TMEM51: variants seen among roughly 807,000 people sequenced by gnomAD.
TMEM51 encodes the protein chromosome 1 open reading frame 72.
A neutral mutation model predicts 13.6 loss-of-function variants in TMEM51; 8 were observed. The ratio of observed to expected loss-of-function variants is 0.59; its 90% CI spans 0.35 to 1.07. The LOEUF (loss-of-function observed/expected upper bound fraction) is 1.07. Among genes scored for constraint, TMEM51 ranks in the 50% least tolerant of loss-of-function variants. TMEM51 has a pLI of 0.02. For missense variants in TMEM51, 279 were observed against 330.7 expected (o/e 0.84, Z 1.21); for synonymous variants, 147 against 144.4 (o/e 1.02, Z -0.13).
At chr1:15,201,597 C>T (rs933842128) in intron 1 of TMEM51, among the ~76,000 whole-genome samples, 1 of 151,990 alleles carries the variant, frequency 6.6e-6, no homozygotes, top group Admixed American at 6.5e-5. Flanking sequence ...TCCTAAAAAT[C>T]GAAGACAGGA....
intron 1 of TMEM51, among the ~76,000 whole-genome samples, chr1:15,159,754 A>T (rs148872182): frequency 0.029 from 4,336 of 152,010 alleles, 196 homozygotes; most frequent in African/African-American, 0.1. Flanking sequence ...ATGGGATTTC[A>T]CCATGTTGGC....
chr1:15,212,386 G>A (rs945592621), intron 2 of TMEM51, among the ~76,000 whole-genome samples: 1 of 152,178 alleles, frequency 6.6e-6, no homozygotes, highest in Admixed American at 6.5e-5. Context: ...TTTCTCTCGT[G>A]CAGCATAAGG....
chr1:15,181,539 ATCTT>A (rs1179298181), intron 1 of TMEM51, among the ~76,000 whole-genome samples: 1 of 152,182 alleles, frequency 6.6e-6, no homozygotes, highest in Admixed American at 6.5e-5. Context: ...GTTCCTAACC[ATCTT>A]TCTTTACTCC....
chr1:15,163,953 C>T (rs1008492303), intron 1 of TMEM51, among the ~76,000 whole-genome samples: 20 of 151,630 alleles, frequency 1.3e-4, no homozygotes, highest in Non-Finnish European at 2.9e-4. Context: ...CTCAGCCTCC[C>T]GAGTAGCTGG....
chr1:15,197,971 A>G (rs1042707940), intron 1 of TMEM51, among the ~76,000 whole-genome samples: 1 of 151,336 alleles, frequency 6.6e-6, no homozygotes, highest in African/African-American at 2.5e-5. Flanking sequence ...AAAAAAAAAA[A>G]AGCAGATTCA....
chr1:15,157,863 C>T (rs1642641262), intron 1 of TMEM51, among the ~76,000 whole-genome samples: 1 of 152,212 alleles, frequency 6.6e-6, no homozygotes, highest in South Asian at 2.1e-4. Flanking sequence ...TAAAAACGAG[C>T]AGATGACATC....
intron 1 of TMEM51, chr1:15,192,187 T>A (rs1383196782): frequency 2.5e-6 from 1 of 396,210 alleles, no homozygotes; most frequent in East Asian, 6.0e-5. Context: ...TGCAAAGATT[T>A]CTTCATTTTC....
At chr1:15,218,904 G>T (rs185437699) in intron 3 of TMEM51, among the ~76,000 whole-genome samples, 1 of 152,252 alleles carries the variant, frequency 6.6e-6, no homozygotes, top group Admixed American at 6.5e-5. Flanking sequence ...ATTTCCAAGA[G>T]CCCCTATGTG....
chr1:15,219,881 G>A lies in TMEM51; in HGVS notation c.*138G>A. 1.0e-6 allele frequency: 1 copy of A among 963,836 alleles called. No individual in the cohort carries two copies. The highest frequency in any genetic ancestry group is 1.5e-6 in the Non-Finnish European group (1 of 665,876). The allele number at this position is 963,836 out of a possible 1,614,324, so 59.7% of individuals were successfully genotyped here. ...GCCATTTGGATGGCGGCGGGCGGGG[G>A]GGGATTCTCTGTATCAGGAGTGACT... On this transcript the variant is annotated 3_prime_UTR_variant, in exon 4 of 4. Transcript: ENST00000376008.
chr1:15,164,858 A>G (rs917131729), intron 1 of TMEM51, among the ~76,000 whole-genome samples: 1 of 135,436 alleles, frequency 7.4e-6, no homozygotes, highest in Non-Finnish European at 1.5e-5. Context: ...GCCAGAGTGC[A>G]GTGGCACAAT....
At chr1:15,154,298 C>T (rs1642511246) in intron 1 of TMEM51, among the ~76,000 whole-genome samples, 1 of 152,226 alleles carries the variant, frequency 6.6e-6, no homozygotes, top group African/African-American at 2.4e-5. Context: ...GCGCTTTCAG[C>T]GCGTGGTTAG....
At chr1:15,171,957 C>T (rs964226200) in intron 1 of TMEM51, among the ~76,000 whole-genome samples, 1 of 152,160 alleles carries the variant, frequency 6.6e-6, no homozygotes, top group African/African-American at 2.4e-5. Flanking sequence ...AAGCAGATTT[C>T]CAGGCCCCAG....
chr1:15,200,472 G>A (rs1167707470), intron 1 of TMEM51, among the ~76,000 whole-genome samples: 15 of 145,968 alleles, frequency 1.0e-4, no homozygotes, highest in Non-Finnish European at 4.5e-5. Flanking sequence ...AGGGACAACC[G>A]CGTGAGGACA....
chr1:15,158,554 T>C (rs1339528145), intron 1 of TMEM51, among the ~76,000 whole-genome samples: 2 of 152,190 alleles, frequency 1.3e-5, no homozygotes, highest in Admixed American at 6.5e-5. Context: ...GTTGCAGGTC[T>C]CTAGAAAAAT....
rs962057904 is a variant in TMEM51, at chr1:15,220,158, G to A, written c.*415G>A. 4 of 196,002 alleles carry A rather than the reference G, an allele frequency of 2.0e-5. No individual in the cohort carries two copies. Among genetic ancestry groups the A allele is most frequent in the African/African-American group, 9.3e-5 (4 of 42,968 alleles). The allele number at this position is 196,002 out of a possible 1,614,324, so 12.1% of individuals were successfully genotyped here. ...AAAGGAAACAAGTTTTGTGTTTGCT[G>A]TCTACGCTGGAGTCCTGAACTGTGG... On this transcript the variant is annotated 3_prime_UTR_variant, in exon 4 of 4. Transcript: ENST00000376008.
chr1:15,196,392 GCA>G (rs1403005608), intron 1 of TMEM51, among the ~76,000 whole-genome samples: 104 of 43,564 alleles, frequency 2.4e-3, no homozygotes, highest in Middle Eastern at 0.011. Context: ...GTGTGTGTGT[GCA>G]TGTGTGTGTG....
At chr1:15,158,699 G>A (rs1642669539) in intron 1 of TMEM51, among the ~76,000 whole-genome samples, 1 of 152,140 alleles carries the variant, frequency 6.6e-6, no homozygotes, top group South Asian at 2.1e-4. Context: ...GATGGGGCGG[G>A]GTCTCTGTCT....
chr1:15,155,323 T>G (rs7525947), intron 1 of TMEM51, among the ~76,000 whole-genome samples: 2 of 152,010 alleles, frequency 1.3e-5, no homozygotes, highest in African/African-American at 2.4e-5. Flanking sequence ...GGGATACTCA[T>G]GAAAAGTGTT....
At position 15,219,824 on chromosome 1, in the gene TMEM51, G is replaced by A; in HGVS notation, c.*81G>A. The A allele has an allele frequency of 6.7e-7, 1 of 1,494,958 alleles. No individual in the cohort carries two copies. The highest frequency in any genetic ancestry group is 9.0e-7 in the Non-Finnish European group (1 of 1,109,148). 92.6% of individuals were successfully genotyped at this position (1,494,958 alleles called of 1,614,324 possible). On this transcript the variant is annotated 3_prime_UTR_variant, in exon 4 of 4. Coordinates refer to ENST00000376008, the MANE Select transcript of TMEM51 (RefSeq NM_001136218.2). ...CTCTAACAAAGCCACATGAGCCACA[G>A]TTGAGAAGCGGAGGGGCCAGCTGTG...
Sources: gnomAD v4.1 joint callset for allele counts (sites outside exome capture counted in the v4.1 genomes callset) on GRCh38, gnomAD v4.1.1 for gene constraint, MANE v1.5 for transcripts, NCBI Gene and HGNC (gene_info 2026-07-23, HGNC 2026-07-21) for gene names.